Variants in DHRS3 observed in about 807,000 individuals in gnomAD.
The protein encoded by DHRS3 is dehydrogenase/reductase 3, also known as short-chain dehydrogenase/reductase 3.
In DHRS3, 14 loss-of-function variants were observed where a neutral mutation model predicts 27.2. The ratio of observed to expected loss-of-function variants is 0.52; its 90% CI spans 0.34 to 0.81. The LOEUF is 0.81. Among genes scored for constraint, DHRS3 ranks in the 30% least tolerant of loss-of-function variants. DHRS3 has a pLI of 0.01. For synonymous variants in DHRS3, 165 were observed against 175.9 expected, an observed-to-expected ratio of 0.94 and a Z score of 0.49; for missense variants, 322 against 406.2, an observed-to-expected ratio of 0.79 and a Z score of 1.78.
chr1:12,569,534 C>T (rs1045850386), intron 5 of DHRS3, among the ~76,000 whole-genome samples: 1 of 152,066 alleles, frequency 6.6e-6, no homozygotes, highest in Non-Finnish European at 1.5e-5. Context: ...AACAATCCAA[C>T]TATACTCTTT....
chr1:12,605,408 C>T lies in DHRS3; in HGVS notation c.195+11746G>A, dbSNP rs77919682. Among the ~76,000 whole-genome samples, 332 of 152,162 alleles carry T rather than the reference C, an allele frequency of 2.2e-3. 4 individuals carry two copies. The East Asian group carries it at 0.041, about 19-fold the overall frequency. On this transcript the variant is annotated intron_variant, in intron 1 of 5. Coordinates refer to ENST00000616661, the MANE Select transcript of DHRS3 (RefSeq NM_004753.7). ...TATATTACCATAGTCATGTACAATACCATGTCCTGTACAGTACCATAGTCA... is the reference window on the plus strand; with the variant it reads ...TATATTACCATAGTCATGTACAATATCATGTCCTGTACAGTACCATAGTCA...
intron 1 of DHRS3, among the ~76,000 whole-genome samples, chr1:12,585,205 C>T (rs200833927): frequency 0.15 from 2,509 of 16,286 alleles, 83 homozygotes; most frequent in East Asian, 0.39. Flanking sequence ...GTGTGTGTGT[C>T]TGTGTATCTC....
chr1:12,571,611 A>T (rs375605730), intron 5 of DHRS3, among the ~76,000 whole-genome samples: 2 of 149,158 alleles, frequency 1.3e-5, no homozygotes, highest in South Asian at 2.1e-4. Context: ...GCTCACCTCA[A>T]CCTCTGCCTC....
chr1:12,613,969 C>T (rs1216056971), intron 1 of DHRS3, among the ~76,000 whole-genome samples: 1 of 152,058 alleles, frequency 6.6e-6, no homozygotes, highest in Non-Finnish European at 1.5e-5. Context: ...TGGGGAGTCA[C>T]CATGTTGGCC....
chr1:12,596,740 G>A (rs947645485), intron 1 of DHRS3, among the ~76,000 whole-genome samples: 9 of 152,144 alleles, frequency 5.9e-5, no homozygotes, highest in African/African-American at 2.2e-4. Flanking sequence ...TGGGGAAGTG[G>A]GGAAAACTGA....
rs1355446531 is a variant in DHRS3 at position 12,592,153 on chromosome 1, C to T, written c.196-11487G>A. ...CTGTGACAAGCACTCACCGCCACCA[C>T]AGTGAACAATCTGTGGACCTTTACT... On this transcript the variant is annotated intron_variant, in intron 1 of 5. Transcript: ENST00000616661. The surrounding 1 kb of genome is among the most constrained non-coding windows in gnomAD (Gnocchi z 4.2). 6.6e-6 allele frequency among the ~76,000 whole-genome samples: 1 copy of T among 152,164 alleles called. No homozygotes were observed. Among genetic ancestry groups the T allele is most frequent in the African/African-American group, 2.4e-5 (1 of 41,448 alleles).
At chr1:12,580,413 C>A (rs1646633409) in intron 2 of DHRS3, 110 bp downstream of exon 2, 1 of 1,518,814 alleles carries the variant, frequency 6.6e-7, no homozygotes, top group African/African-American at 1.4e-5. Flanking sequence ...CCGGGCAAAG[C>A]CATTCTGCCA....
In DHRS3 at chr1:12,593,797, AC is replaced by A. The variant is rs1246964106; in HGVS notation, c.196-13132del. ...TGCGAAACTTTTTGGTTCTGGGACC[AC>A]TCAGAAAACTCTCCAGGGAAACGAT... is the stretch of plus-strand genomic sequence containing the variant. On this transcript the variant is annotated intron_variant, in intron 1 of 5. Coordinates refer to ENST00000616661, the MANE Select transcript of DHRS3 (RefSeq NM_004753.7). The surrounding 1 kb of genome is among the most constrained non-coding windows in gnomAD (Gnocchi z 4.6). Among the ~76,000 whole-genome samples the A allele has an allele frequency of 6.6e-6, 1 of 152,126 alleles. No homozygotes were observed. Among genetic ancestry groups the A allele is most frequent in the Non-Finnish European group, 1.5e-5 (1 of 68,028 alleles).
chr1:12,599,417 A>G (rs561858715), intron 1 of DHRS3, among the ~76,000 whole-genome samples: 33 of 152,390 alleles, frequency 2.2e-4, no homozygotes, highest in African/African-American at 6.7e-4. Flanking sequence ...AGAGCATCAC[A>G]TCCCTCCAAC....
At chr1:12,583,166 C>CTCCA (rs1215232542) in intron 1 of DHRS3, among the ~76,000 whole-genome samples, 2 of 149,542 alleles carry the variant, frequency 1.3e-5, no homozygotes, top group Non-Finnish European at 3.0e-5. Flanking sequence ...ACCCACCCCA[C>CTCCA]TCCATCCATC....
chr1:12,591,982 G>A lies in DHRS3; in HGVS notation c.196-11316C>T, dbSNP rs1259412806. 1.3e-5 allele frequency among the ~76,000 whole-genome samples: 2 copies of A among 152,220 alleles called. No homozygotes were observed. The highest frequency in any genetic ancestry group is 2.9e-5 in the Non-Finnish European group (2 of 68,044). ...CTTGCCCCTCTGCGAGGACACTGGG[G>A]CTCTGATGGGGCTCAGGTGGGAGGA... is the stretch of plus-strand genomic sequence containing the variant. On this transcript the variant is annotated intron_variant, in intron 1 of 5. Transcript: ENST00000616661. This position sits in a 1 kb window ranked among gnomAD's most constrained non-coding sequence, Gnocchi z 4.1.
At chr1:12,597,849 C>T (rs999030401) in intron 1 of DHRS3, among the ~76,000 whole-genome samples, 1 of 152,168 alleles carries the variant, frequency 6.6e-6, no homozygotes, top group African/African-American at 2.4e-5. Context: ...TGGTGACAGC[C>T]GAGCCTCAAA....
At chr1:12,600,953 TTCTA>T (rs1474302269) in intron 1 of DHRS3, among the ~76,000 whole-genome samples, 1 of 151,532 alleles carries the variant, frequency 6.6e-6, no homozygotes, top group Admixed American at 6.6e-5. Context: ...GAAAAGTCCA[TTCTA>T]TCTTTTTTTT....
intron 1 of DHRS3, among the ~76,000 whole-genome samples, chr1:12,605,421 A>C (rs1646863804): frequency 6.6e-6 from 1 of 152,214 alleles, no homozygotes; most frequent in Non-Finnish European, 1.5e-5. Context: ...TGTCCTGTAC[A>C]GTACCATAGT....
At chr1:12,575,018 T>C (rs1166926980) in intron 4 of DHRS3, among the ~76,000 whole-genome samples, 2 of 152,112 alleles carry the variant, frequency 1.3e-5, no homozygotes, top group Non-Finnish European at 2.9e-5. Flanking sequence ...GGTGGTTCTA[T>C]GGCTGGAACA....
intron 4 of DHRS3, among the ~76,000 whole-genome samples, chr1:12,577,696 G>A (rs563850896): frequency 6.6e-6 from 1 of 152,186 alleles, no homozygotes; most frequent in East Asian, 1.9e-4. Flanking sequence ...GCAAGCGCAC[G>A]CCTGTAATCC....
At chr1:12,573,550 C>G (rs1426831374) in intron 4 of DHRS3, among the ~76,000 whole-genome samples, 2 of 152,224 alleles carry the variant, frequency 1.3e-5, no homozygotes, top group East Asian at 3.9e-4. Context: ...AAGGACTGAA[C>G]ACACTGATGA....
intron 3 of DHRS3, 41 bp downstream of exon 3, chr1:12,579,252 C>T: frequency 6.2e-7 from 1 of 1,613,928 alleles, no homozygotes; most frequent in Non-Finnish European, 8.5e-7. Context: ...CCTGGGCTCC[C>T]TGCACGCCCG....
At chr1:12,610,757 C>T (rs1271790957) in intron 1 of DHRS3, among the ~76,000 whole-genome samples, 3 of 152,178 alleles carry the variant, frequency 2.0e-5, no homozygotes, top group Non-Finnish European at 2.9e-5. Flanking sequence ...TCGTAATCCT[C>T]GTGGTTCATC....
Sources: gnomAD v4.1 joint callset for allele counts (sites outside exome capture counted in the v4.1 genomes callset) on GRCh38, gnomAD v4.1.1 for gene constraint, Gnocchi (gnomAD v3.1) non-coding constraint, MANE v1.5 for transcripts, NCBI Gene and HGNC (gene_info 2026-07-23, HGNC 2026-07-21) for gene names.